The following KHDC1 variants were observed in gnomAD, a reference collection of about 807,000 sequenced individuals.
The protein encoded by KHDC1 is KH domain containing 1.
In KHDC1, 21 loss-of-function variants were observed where a neutral mutation model predicts 24.7. The observed-to-expected ratio is 0.85, with a 90% CI of 0.60 to 1.23. The LOEUF (loss-of-function observed/expected upper bound fraction) is 1.23. KHDC1 is among the 50% of genes most tolerant of loss of function. The pLI, the probability that KHDC1 is intolerant of heterozygous loss-of-function variation, is 0.00. For missense variants in KHDC1, 274 were observed against 298.5 expected (o/e 0.92, Z 0.61); for synonymous variants, 98 against 111.7 (o/e 0.88, Z 0.77).
exon 1 of KHDC1, chr6:73,309,979 C>T (rs1768051170): frequency 2.3e-6 from 1 of 436,630 alleles, no homozygotes; most frequent in South Asian, 2.9e-5. Flanking sequence ...GCTCCAGGCT[C>T]GGTCACCAAA....
intron 1 of KHDC1, among the ~76,000 whole-genome samples, chr6:73,295,352 CATT>C (rs768679012): frequency 2.6e-5 from 4 of 152,164 alleles, no homozygotes; most frequent in Non-Finnish European, 4.4e-5. Flanking sequence ...GACCTCTTGT[CATT>C]ATAAATTACC....
chr6:73,245,569 G>A (rs1766650626), intron 2 of KHDC1, among the ~76,000 whole-genome samples: 1 of 152,188 alleles, frequency 6.6e-6, no homozygotes, highest in African/African-American at 2.4e-5. Flanking sequence ...TGCCATCAAG[G>A]CTAATTAGAA....
intron 2 of KHDC1, among the ~76,000 whole-genome samples, chr6:73,243,391 A>G (rs1386664940): frequency 7.9e-6 from 1 of 126,712 alleles, no homozygotes; most frequent in Non-Finnish European, 1.8e-5. Flanking sequence ...AAAGTCAGCC[A>G]TCAGGAATTT....
At chr6:73,306,985 G>T (rs568426759) in intron 1 of KHDC1, among the ~76,000 whole-genome samples, 31 of 152,174 alleles carry the variant, frequency 2.0e-4, no homozygotes, top group African/African-American at 7.5e-4. Flanking sequence ...CTCCAGCCTG[G>T]GTGACAGACC....
In KHDC1 at chr6:73,247,685, C is replaced by T. The variant is rs1367176936; in HGVS notation, c.207-5155G>A. Among the ~76,000 whole-genome samples the T allele has an allele frequency of 1.9e-4, 29 of 151,844 alleles. 1 individual carries two copies. The highest frequency in any genetic ancestry group is 1.8e-3 in the Admixed American group (28 of 15,228). ...CAGCCTAGCCAGCATGGTGAAACCC[C>T]GTCTCTACTAAAAATACAAAAATTA... is the stretch of plus-strand genomic sequence containing the variant. On this transcript the variant is annotated intron_variant, in intron 2 of 4. Transcript: ENST00000370384.
intron 2 of KHDC1, among the ~76,000 whole-genome samples, chr6:73,249,931 A>G (rs1766748361): frequency 6.6e-6 from 1 of 152,162 alleles, no homozygotes; most frequent in South Asian, 2.1e-4. Context: ...TAGAGTACTT[A>G]AAAAGCAGGA....
chr6:73,248,383 T>C (rs1249838279), intron 2 of KHDC1, among the ~76,000 whole-genome samples: 3 of 151,596 alleles, frequency 2.0e-5, no homozygotes, highest in African/African-American at 7.3e-5. Flanking sequence ...TCTCTCTCTC[T>C]CCTCTATCTG....
chr6:73,254,467 AAAATAAATAAATAAATAAATAAAT>A (rs199968966), intron 2 of KHDC1, among the ~76,000 whole-genome samples: 2 of 140,546 alleles, frequency 1.4e-5, no homozygotes, highest in East Asian at 2.1e-4. Flanking sequence ...TCTTAAAATA[AAAATAAATAAATAAATAAATAAAT>A]AAATAAATAA....
intron 2 of KHDC1, among the ~76,000 whole-genome samples, chr6:73,270,836 G>A (rs1044180844): frequency 2.6e-4 from 40 of 151,600 alleles, no homozygotes; most frequent in African/African-American, 9.2e-4. Flanking sequence ...GACTACAGGC[G>A]CGTGCCACCA....
At position 73,306,877 on chromosome 6, in the gene KHDC1, C is replaced by T. The variant is rs181126249; in HGVS notation, c.163+2675G>A. Among the ~76,000 whole-genome samples, 233 of 152,078 alleles carry T rather than the reference C, an allele frequency of 1.5e-3. 1 individual carries two copies. Among genetic ancestry groups the T allele is most frequent in the African/African-American group, 5.4e-3 (222 of 41,476 alleles). On this transcript the variant is annotated intron_variant, in intron 1 of 4. Coordinates refer to ENST00000370384, the Ensembl canonical transcript of KHDC1. ...CAAAAAAATTAGCCAGGTGTGGTGG[C>T]GCACGCCTGTAGTCCCAGCTACTCA...
At chr6:73,257,671 A>T (rs2150562922) in intron 2 of KHDC1, among the ~76,000 whole-genome samples, 1 of 151,808 alleles carries the variant, frequency 6.6e-6, no homozygotes, top group South Asian at 2.1e-4. Flanking sequence ...TCCTGGGATT[A>T]CAGGCGTGAG....
rs1312881060 is a variant in KHDC1, at chr6:73,254,474, AT to A, written c.207-11945del. ...AGACTCTGTCTTAAAATAAAAATAAATAAATAAATAAATAAATAAATAAATA... is the reference window on the plus strand; with the variant it reads ...AGACTCTGTCTTAAAATAAAAATAAAAAATAAATAAATAAATAAATAAATA... On this transcript the variant is annotated intron_variant, in intron 2 of 4. Transcript: ENST00000370384. Among the ~76,000 whole-genome samples the A allele has an allele frequency of 3.6e-3, 343 of 94,996 alleles. 1 individual carries two copies. Among genetic ancestry groups the A allele is most frequent in the African/African-American group, 0.018 (325 of 17,770 alleles). The allele number at this position is 94,996 out of a possible 152,430, so 62.3% of individuals were successfully genotyped here. A position where few individuals can be genotyped will look rare whatever the true frequency, so the allele number is the denominator to read the frequency against.
intron 2 of KHDC1, among the ~76,000 whole-genome samples, chr6:73,286,428 T>C (rs1183543459): frequency 6.6e-6 from 1 of 152,192 alleles, no homozygotes; most frequent in African/African-American, 2.4e-5. Flanking sequence ...AGAGACCTGA[T>C]TCCCTCATTT....
chr6:73,289,357 A>AG (rs1356298461), intron 2 of KHDC1, among the ~76,000 whole-genome samples: 3 of 149,306 alleles, frequency 2.0e-5, no homozygotes, highest in Non-Finnish European at 4.4e-5. Context: ...AAAAAAAAAA[A>AG]AAGAATAAAA....
intron 2 of KHDC1, among the ~76,000 whole-genome samples, chr6:73,262,293 T>C (rs1452999589): frequency 6.6e-6 from 1 of 152,246 alleles, no homozygotes; most frequent in African/African-American, 2.4e-5. Flanking sequence ...GTCTGGTGCA[T>C]AGCAAGTGCT....
At chr6:73,258,400 G>A (rs1315220624) in intron 2 of KHDC1, among the ~76,000 whole-genome samples, 1 of 152,012 alleles carries the variant, frequency 6.6e-6, no homozygotes. Context: ...CCATGATTAT[G>A]CCACTGCACT....
intron 2 of KHDC1, among the ~76,000 whole-genome samples, chr6:73,265,822 C>T (rs752637479): frequency 1.3e-5 from 2 of 152,094 alleles, no homozygotes. Flanking sequence ...TGCAGTGGCT[C>T]ATACCTGTAA....
intron 2 of KHDC1, chr6:73,263,543 C>T (rs1464712636): frequency 6.6e-6 from 1 of 150,964 alleles, no homozygotes; most frequent in Admixed American, 6.7e-5. Context: ...CCTAGAGACC[C>T]TCGGGTGTCG....
At chr6:73,299,369 G>A (rs1047418569) in intron 1 of KHDC1, 3 of 152,270 alleles carry the variant, frequency 2.0e-5, no homozygotes, top group African/African-American at 7.2e-5. Context: ...CAAGTTAAAC[G>A]CACTGTTCCG....
Sources: gnomAD v4.1 joint callset for allele counts (sites outside exome capture counted in the v4.1 genomes callset) on GRCh38, gnomAD v4.1.1 for gene constraint, MANE v1.5 for transcripts, NCBI Gene and HGNC (gene_info 2026-07-23, HGNC 2026-07-21) for gene names.